GALNTL6: variants seen among roughly 807,000 people sequenced by gnomAD.
GALNTL6 encodes polypeptide N-acetylgalactosaminyltransferase like 6.
A neutral mutation model predicts 73.7 loss-of-function variants in GALNTL6; 46 were observed. The ratio of observed to expected loss-of-function variants is 0.62; its 90% CI spans 0.49 to 0.80. The LOEUF (loss-of-function observed/expected upper bound fraction) is 0.80. GALNTL6 is among the 30% of genes least tolerant of loss of function. The pLI, the probability that GALNTL6 is intolerant of heterozygous loss-of-function variation, is 0.00. For missense variants in GALNTL6, 604 were observed against 755.0 expected, an observed-to-expected ratio of 0.80 and a Z score of 2.34; for synonymous variants, 259 against 263.7, an observed-to-expected ratio of 0.98 and a Z score of 0.17.
intron 3 of GALNTL6, among the ~76,000 whole-genome samples, chr4:172,253,961 C>T (rs1219292191): frequency 6.6e-6 from 1 of 151,694 alleles, no homozygotes; most frequent in Non-Finnish European, 1.5e-5. Flanking sequence ...AGGAGTAAAA[C>T]ACTAATGGGC....
chr4:172,454,335 G>T (rs1397028627), intron 5 of GALNTL6, among the ~76,000 whole-genome samples: 1 of 152,166 alleles, frequency 6.6e-6, no homozygotes, highest in African/African-American at 2.4e-5. Flanking sequence ...GATAAAGATG[G>T]TCTTTCTTCT....
At chr4:171,978,538 G>A (rs750012231) in intron 2 of GALNTL6, among the ~76,000 whole-genome samples, 3 of 152,140 alleles carry the variant, frequency 2.0e-5, no homozygotes, top group Non-Finnish European at 4.4e-5. Flanking sequence ...TAGTTCAGCT[G>A]TGTGTCCAAG....
Position 172,441,297 on chromosome 4 carries a change from GTTA to G in GALNTL6, c.553+92617_553+92619del, listed in dbSNP as rs375977658. On this transcript the variant is annotated intron_variant, in intron 5 of 12. Transcript: ENST00000506823. ...GTGACATATTATTTTCATTGCTATA[GTTA>G]TTATTATTTCTGTAAATCAAGAAAT... Among the ~76,000 whole-genome samples, 885 of 152,094 alleles carry G rather than the reference GTTA, an allele frequency of 5.8e-3. 11 individuals carry two copies. The highest frequency in any genetic ancestry group is 0.02 in the African/African-American group (841 of 41,500).
At chr4:172,154,608 A>G (rs1734199588) in intron 2 of GALNTL6, among the ~76,000 whole-genome samples, 2 of 152,224 alleles carry the variant, frequency 1.3e-5, no homozygotes, top group Non-Finnish European at 2.9e-5. Context: ...GCTTCTCAAA[A>G]GGAAATTTTC....
At chr4:171,891,020 T>C (rs966516125) in intron 2 of GALNTL6, among the ~76,000 whole-genome samples, 13 of 129,664 alleles carry the variant, frequency 1.0e-4, no homozygotes, top group African/African-American at 4.4e-4. Flanking sequence ...GCTACTCTTG[T>C]TCCCAAAGCC....
chr4:171,868,352 G>A (rs936474403), intron 2 of GALNTL6, among the ~76,000 whole-genome samples: 2 of 148,782 alleles, frequency 1.3e-5, no homozygotes, highest in African/African-American at 2.6e-5. Flanking sequence ...CTTACCCTAC[G>A]ATTTTGATTC....
At chr4:172,870,643 T>A (rs970185667) in intron 7 of GALNTL6, among the ~76,000 whole-genome samples, 1 of 152,176 alleles carries the variant, frequency 6.6e-6, no homozygotes, top group Non-Finnish European at 1.5e-5. Context: ...ACACAACAGG[T>A]TACAGGGCAG....
intron 2 of GALNTL6, among the ~76,000 whole-genome samples, chr4:171,959,910 T>C (rs1029280620): frequency 5.3e-5 from 8 of 152,224 alleles, no homozygotes; most frequent in African/African-American, 1.9e-4. Flanking sequence ...ATATTTCATA[T>C]TTTTTAGTCA....
chr4:172,429,853 A>G (rs116647148), intron 5 of GALNTL6, among the ~76,000 whole-genome samples: 5,323 of 152,244 alleles, frequency 0.035, 104 homozygotes, highest in Non-Finnish European at 0.053. Context: ...CATTTTTAAA[A>G]TGTATGATGA....
chr4:172,723,506 A>G (rs1735610078), intron 5 of GALNTL6, among the ~76,000 whole-genome samples: 1 of 152,088 alleles, frequency 6.6e-6, no homozygotes, highest in South Asian at 2.1e-4. Context: ...AGCTCAATAC[A>G]CCATAGTTAC....
chr4:172,251,163 A>G (rs1348410126), intron 3 of GALNTL6, among the ~76,000 whole-genome samples: 1 of 152,098 alleles, frequency 6.6e-6, no homozygotes, highest in Non-Finnish European at 1.5e-5. Context: ...GTTGGCAGGC[A>G]GGAGACCCAG....
At chr4:172,622,866 AG>A (rs1301292153) in intron 5 of GALNTL6, among the ~76,000 whole-genome samples, 1 of 152,142 alleles carries the variant, frequency 6.6e-6, no homozygotes, top group Non-Finnish European at 1.5e-5. Flanking sequence ...TAATTGACAA[AG>A]CGTTTAAGGT....
chr4:172,031,382 G>C (rs1276323101), intron 2 of GALNTL6, among the ~76,000 whole-genome samples: 1 of 152,048 alleles, frequency 6.6e-6, no homozygotes, highest in Non-Finnish European at 1.5e-5. Context: ...GTACAAGATA[G>C]AAAAAGGTTT....
chr4:172,282,932 C>G (rs1739116135), intron 3 of GALNTL6, among the ~76,000 whole-genome samples: 1 of 152,104 alleles, frequency 6.6e-6, no homozygotes, highest in African/African-American at 2.4e-5. Context: ...TTTCTTAAGA[C>G]AAGGAAGAAA....
chr4:172,564,424 C>T (rs1262478422), intron 5 of GALNTL6, among the ~76,000 whole-genome samples: 1 of 152,128 alleles, frequency 6.6e-6, no homozygotes, highest in Non-Finnish European at 1.5e-5. Context: ...TGATTACACT[C>T]AAAATAAATG....
chr4:172,238,895 A>G (rs957025364), intron 3 of GALNTL6, among the ~76,000 whole-genome samples: 1 of 152,110 alleles, frequency 6.6e-6, no homozygotes, highest in Non-Finnish European at 1.5e-5. Context: ...TTATGTGATG[A>G]ATCACATTTA....
At chr4:171,916,173 ATAT>A (rs1737620463) in intron 2 of GALNTL6, among the ~76,000 whole-genome samples, 1 of 152,056 alleles carries the variant, frequency 6.6e-6, no homozygotes, top group South Asian at 2.1e-4. Flanking sequence ...GATAGATATG[ATAT>A]TGTGATACAT....
chr4:172,276,354 A>C (rs906266612), intron 3 of GALNTL6, among the ~76,000 whole-genome samples: 3 of 152,218 alleles, frequency 2.0e-5, no homozygotes, highest in African/African-American at 7.2e-5. Flanking sequence ...TCCCAGCATG[A>C]CTGAGGTCTT....
chr4:172,996,436 A>ATATATTAAC (rs1751787638), intron 10 of GALNTL6, among the ~76,000 whole-genome samples: 1 of 152,092 alleles, frequency 6.6e-6, no homozygotes, highest in Non-Finnish European at 1.5e-5. Flanking sequence ...TAACTATTAA[A>ATATATTAAC]TACTAGGCTT....
Sources: gnomAD v4.1 joint callset for allele counts (sites outside exome capture counted in the v4.1 genomes callset) on GRCh38, gnomAD v4.1.1 for gene constraint, MANE v1.5 for transcripts, NCBI Gene and HGNC (gene_info 2026-07-23, HGNC 2026-07-21) for gene names.